The following DCLK1 variants were observed in gnomAD, a reference collection of about 807,000 sequenced individuals.
DCLK1 encodes the protein doublecortin like kinase 1.
DCLK1 carries 16 observed loss-of-function variants against 86.2 expected under a neutral mutation model. That is an observed-to-expected ratio of 0.19 (90% confidence interval 0.13 to 0.28). The LOEUF (loss-of-function observed/expected upper bound fraction) is 0.28. Among genes scored for constraint, DCLK1 ranks in the 10% least tolerant of loss-of-function variants. DCLK1 has a pLI of 1.00. For missense variants in DCLK1, 590 were observed against 940.2 expected, an observed-to-expected ratio of 0.63 and a Z score of 4.87; for synonymous variants, 369 against 370.5, an observed-to-expected ratio of 1.00 and a Z score of 0.05.
chr13:35,915,449 C>A (rs983581115), intron 4 of DCLK1, among the ~76,000 whole-genome samples: 1 of 152,076 alleles, frequency 6.6e-6, no homozygotes, highest in Admixed American at 6.6e-5. Context: ...ACCTGTAATC[C>A]CAGCACTTTG....
chr13:35,909,552 A>T (rs1203721319), intron 4 of DCLK1, among the ~76,000 whole-genome samples: 1 of 149,988 alleles, frequency 6.7e-6, no homozygotes, highest in East Asian at 2.0e-4. Context: ...TGGCCGGAAC[A>T]CTGTAAACCC....
chr13:35,808,319 T>G lies in DCLK1; in HGVS notation c.1768A>C (p.Ser590Arg). 5 of 1,613,904 alleles carry G rather than the reference T, an allele frequency of 3.1e-6. No individual in the cohort carries two copies. The highest frequency in any genetic ancestry group is 4.2e-6 in the Non-Finnish European group (5 of 1,179,810). ...AAAAGCACCTCCTGGTCATCACCAC[T>G]TCTGTTTAGGTGAACGACAACAAGG... ...LLCGFPPFRG[S>R]GDDQEVLFDQ... is the part of the protein sequence containing the mutation. The change falls in exon 14 of 17, where the codon AGT becomes CGT. Residue 590 changes from serine to arginine, a missense_variant and splice_region_variant. By Grantham distance (110) the Ser-to-Arg change is moderately radical. Coordinates refer to ENST00000360631, the MANE Select transcript of DCLK1 (RefSeq NM_001330071.2).
At chr13:36,131,499 G>A (rs1407465550), upstream of DCLK1, among the ~76,000 whole-genome samples, 1 of 152,024 alleles carries the variant, frequency 6.6e-6, no homozygotes, top group African/African-American at 2.4e-5. Context: ...CTTCTTGGCA[G>A]GGCGCACCCA....
chr13:35,812,732 C>T (rs2153103294), intron 11 of DCLK1, among the ~76,000 whole-genome samples: 1 of 152,328 alleles, frequency 6.6e-6, no homozygotes, highest in Non-Finnish European at 1.5e-5. Context: ...GAGTCTTATT[C>T]CCAGGAGCTG....
At chr13:35,789,105 T>A (rs1336983176) in intron 16 of DCLK1, among the ~76,000 whole-genome samples, 1 of 152,160 alleles carries the variant, frequency 6.6e-6, no homozygotes, top group African/African-American at 2.4e-5. Context: ...GATAAAAGAT[T>A]CAATCCCCCA....
At chr13:35,953,211 C>T (rs1307680586) in intron 3 of DCLK1, among the ~76,000 whole-genome samples, 1 of 152,030 alleles carries the variant, frequency 6.6e-6, no homozygotes, top group African/African-American at 2.4e-5. Context: ...ATTAGTATCC[C>T]CATTTTACAG....
intron 4 of DCLK1, among the ~76,000 whole-genome samples, chr13:35,873,923 T>C (rs2153115199): frequency 1.3e-5 from 2 of 152,322 alleles, no homozygotes; most frequent in Middle Eastern, 6.8e-3. Context: ...TATTGGTTTG[T>C]AAGAGTGCAT....
chr13:35,847,656 A>G (rs894972961), intron 6 of DCLK1: 4 of 874,348 alleles, frequency 4.6e-6, no homozygotes, highest in African/African-American at 1.9e-5. Context: ...AGAAAGAAAG[A>G]AAAAGAGCCC....
At chr13:36,126,942 A>C (rs1378061012) in intron 1 of DCLK1, among the ~76,000 whole-genome samples, 1 of 151,922 alleles carries the variant, frequency 6.6e-6, no homozygotes, top group Non-Finnish European at 1.5e-5. Context: ...TGTACCAGCA[A>C]CTCTGTTCCA....
At chr13:36,015,832 C>A (rs1162777557) in intron 3 of DCLK1, among the ~76,000 whole-genome samples, 1 of 152,158 alleles carries the variant, frequency 6.6e-6, no homozygotes, top group Non-Finnish European at 1.5e-5. Context: ...TTCAGGCCCT[C>A]ATTGTATTTA....
At chr13:35,861,922 A>T (rs1486905720) in intron 5 of DCLK1, among the ~76,000 whole-genome samples, 1 of 150,408 alleles carries the variant, frequency 6.6e-6, no homozygotes, top group Non-Finnish European at 1.5e-5. Context: ...AGTCCCAGCT[A>T]CTCGAAGGCT....
At chr13:36,097,840 G>A (rs1447045908) in intron 3 of DCLK1, among the ~76,000 whole-genome samples, 1 of 151,352 alleles carries the variant, frequency 6.6e-6, no homozygotes, top group Non-Finnish European at 1.5e-5. Context: ...TAAATTGTGA[G>A]CATTCTTACC....
At chr13:35,942,159 T>C (rs527492468) in intron 4 of DCLK1, among the ~76,000 whole-genome samples, 1 of 152,074 alleles carries the variant, frequency 6.6e-6, no homozygotes, top group African/African-American at 2.4e-5. Context: ...TAATGTTTTC[T>C]AAAGGACATT....
intron 4 of DCLK1, among the ~76,000 whole-genome samples, chr13:35,912,683 C>A (rs1875115011): frequency 6.6e-6 from 1 of 152,188 alleles, no homozygotes; most frequent in Admixed American, 6.5e-5. Flanking sequence ...ATCTGTGTAA[C>A]TAATTCTTCT....
rs1047652390 is a variant in DCLK1 at position 35,904,841 on chromosome 13, T to C, written c.824-33501A>G. ...AAATTGCAAAGGGGCATTTTGGCTT[T>C]TTGCCCTTCTACTGTGATTTCTGAA... On this transcript the variant is annotated intron_variant, in intron 4 of 16. Coordinates refer to ENST00000360631, the MANE Select transcript of DCLK1 (RefSeq NM_001330071.2). 3.3e-5 allele frequency among the ~76,000 whole-genome samples: 5 copies of C among 152,196 alleles called. No homozygotes were observed. The East Asian group carries it at 7.7e-4, about 23-fold the overall frequency.
chr13:35,898,904 G>C (rs1874173697), intron 4 of DCLK1, among the ~76,000 whole-genome samples: 1 of 152,076 alleles, frequency 6.6e-6, no homozygotes, highest in Non-Finnish European at 1.5e-5. Flanking sequence ...ACCATGCCCA[G>C]CTAACTTTGT....
intron 3 of DCLK1, among the ~76,000 whole-genome samples, chr13:36,029,034 T>A (rs1043537365): frequency 1.3e-5 from 2 of 152,228 alleles, no homozygotes; most frequent in Non-Finnish European, 1.5e-5. Context: ...CCAGCAGCCC[T>A]TGGGGCTGCT....
chr13:36,123,010 T>A (rs1344083094), intron 2 of DCLK1, among the ~76,000 whole-genome samples: 1 of 152,166 alleles, frequency 6.6e-6, no homozygotes, highest in Non-Finnish European at 1.5e-5. Context: ...ATATTGTAAT[T>A]CAGAATTTTT....
intron 16 of DCLK1, 42 bp from the exon 17 acceptor site, chr13:35,774,741 G>T: frequency 6.3e-7 from 1 of 1,581,718 alleles, no homozygotes; most frequent in South Asian, 1.1e-5. Flanking sequence ...ATTAGGGCGA[G>T]GGAAATGGCA....
Sources: allele counts gnomAD v4.1 joint callset (sites outside exome capture counted in the v4.1 genomes callset), GRCh38; gene constraint gnomAD v4.1.1; transcripts MANE v1.5; gene names NCBI Gene and HGNC (gene_info 2026-07-23, HGNC 2026-07-21).